Variants in PHKB observed in about 807,000 individuals in gnomAD.
PHKB encodes phosphorylase b kinase regulatory subunit beta.
In PHKB, 122 loss-of-function variants were observed where a neutral mutation model predicts 152.1. That is an observed-to-expected ratio of 0.80 (90% CI 0.69 to 0.93). The LOEUF is 0.93. PHKB is among the 40% of genes least tolerant of loss of function. The probability of loss-of-function intolerance (pLI) is 0.00; values close to 1 mark genes in which losing one functional copy is unlikely to be tolerated. For missense variants in PHKB, 1,304 were observed against 1,328.4 expected, an observed-to-expected ratio of 0.98 and a Z score of 0.29; for synonymous variants, 436 against 464.9, an observed-to-expected ratio of 0.94 and a Z score of 0.80.
chr16:47,624,864 A>G (rs577457175), intron 14 of PHKB, among the ~76,000 whole-genome samples: 2 of 152,338 alleles, frequency 1.3e-5, no homozygotes, highest in African/African-American at 4.8e-5. Context: ...CAAAAACCAC[A>G]TGCAACAAGT....
At chr16:47,626,673 C>T (rs144075394) in intron 14 of PHKB, among the ~76,000 whole-genome samples, 85 of 152,300 alleles carry the variant, frequency 5.6e-4, no homozygotes, top group East Asian at 2.5e-3. Flanking sequence ...GGGACTGCCA[C>T]TAACTTGTAA....
chr16:47,598,880 C>G, intron 13 of PHKB: 1 of 1,604,318 alleles, frequency 6.2e-7, no homozygotes, highest in Non-Finnish European at 8.5e-7. Flanking sequence ...CTATATGCTG[C>G]ATTTTTAGGG....
At chr16:47,494,223 C>G (rs766222623) in intron 1 of PHKB, among the ~76,000 whole-genome samples, 2 of 152,036 alleles carry the variant, frequency 1.3e-5, no homozygotes, top group Non-Finnish European at 2.9e-5. Context: ...AACTAGATTC[C>G]GAAAATGTGA....
At chr16:47,462,142 T>C (rs971612209) in intron 1 of PHKB, 1 of 152,218 alleles carries the variant, frequency 6.6e-6, no homozygotes, top group East Asian at 1.9e-4. Flanking sequence ...GTGGCGTTAT[T>C]AAAACTTCCT....
At chr16:47,585,735 G>C (rs1466348221) in intron 8 of PHKB, among the ~76,000 whole-genome samples, 1 of 152,146 alleles carries the variant, frequency 6.6e-6, no homozygotes, top group Non-Finnish European at 1.5e-5. Context: ...GAAAAATTGA[G>C]AGCTGAATAA....
chr16:47,473,218 A>ATTTTTTTC (rs1969807742), intron 1 of PHKB, among the ~76,000 whole-genome samples: 3 of 48,768 alleles, frequency 6.2e-5, no homozygotes, highest in African/African-American at 1.6e-4. Context: ...TGCCTGGCTA[A>ATTTTTTTC]TTTTTTTTTT....
intron 14 of PHKB, among the ~76,000 whole-genome samples, chr16:47,634,308 A>G (rs1167361310): frequency 2.0e-5 from 3 of 152,196 alleles, no homozygotes; most frequent in Non-Finnish European, 4.4e-5. Context: ...CTTTTGTGGT[A>G]GGCACTGTAA....
chr16:47,519,389 G>A (rs1283762680), intron 6 of PHKB, among the ~76,000 whole-genome samples: 2 of 152,182 alleles, frequency 1.3e-5, no homozygotes, highest in Non-Finnish European at 2.9e-5. Flanking sequence ...AGCTAAGTTG[G>A]GTGGTGCTGG....
chr16:47,647,995 C>G (rs1973164984), intron 16 of PHKB, among the ~76,000 whole-genome samples: 1 of 151,820 alleles, frequency 6.6e-6, no homozygotes, highest in Non-Finnish European at 1.5e-5. Context: ...CTATATATAC[C>G]CCTTTCAGCG....
intron 26 of PHKB, among the ~76,000 whole-genome samples, chr16:47,686,346 C>T (rs1045070853): frequency 6.6e-6 from 1 of 152,142 alleles, no homozygotes; most frequent in African/African-American, 2.4e-5. Context: ...AAGATACCTC[C>T]TGAAGTTAAT....
At chr16:47,596,700 G>A (rs773339017) in intron 13 of PHKB, among the ~76,000 whole-genome samples, 169 bp downstream of exon 13, 4 of 152,080 alleles carry the variant, frequency 2.6e-5, no homozygotes, top group Non-Finnish European at 5.9e-5. Flanking sequence ...CTATTTCACT[G>A]AATGATGATG....
Position 47,660,732 on chromosome 16 carries a change from T to TA in PHKB, c.2110dup (p.Ser704LysfsTer4). On this transcript the variant is annotated frameshift_variant, in exon 22 of 31. Transcript: ENST00000323584. LOFTEE classifies it high-confidence loss of function. Reference sequence around the variant, plus strand: ...AAGTCAAACGGCAAAGCAGCACCCCTAGTGCTCCTGAACTGGGACAGCAGC... The same window carrying TA: ...AAGTCAAACGGCAAAGCAGCACCCCTAAGTGCTCCTGAACTGGGACAGCAGC... The TA allele has an allele frequency of 6.2e-7, 1 of 1,613,498 alleles. No individual in the cohort carries two copies. The highest frequency in any genetic ancestry group is 8.5e-7 in the Non-Finnish European group (1 of 1,179,420).
At chr16:47,541,587 G>A (rs2151668499) in intron 6 of PHKB, among the ~76,000 whole-genome samples, 1 of 152,306 alleles carries the variant, frequency 6.6e-6, no homozygotes, top group African/African-American at 2.4e-5. Flanking sequence ...CTTCCACAAT[G>A]GTTGAACTAG....
intron 1 of PHKB, among the ~76,000 whole-genome samples, chr16:47,485,514 G>A (rs1057500067): frequency 6.6e-6 from 1 of 152,198 alleles, no homozygotes; most frequent in Admixed American, 6.5e-5. Context: ...AGATAGGGTA[G>A]TCTGTGAGAA....
At chr16:47,504,581 C>T (rs751908979) in intron 4 of PHKB, among the ~76,000 whole-genome samples, 1 of 152,224 alleles carries the variant, frequency 6.6e-6, no homozygotes, top group Non-Finnish European at 1.5e-5. Context: ...TAACTCTTTT[C>T]AGGACAATCT....
intron 14 of PHKB, among the ~76,000 whole-genome samples, chr16:47,631,058 G>A (rs925104945): frequency 6.6e-6 from 1 of 152,090 alleles, no homozygotes; most frequent in African/African-American, 2.4e-5. Flanking sequence ...CAGCTTGCCA[G>A]CTCACCTGCA....
intron 6 of PHKB, among the ~76,000 whole-genome samples, chr16:47,518,838 A>AG (rs1015841018): frequency 6.6e-6 from 1 of 152,102 alleles, no homozygotes; most frequent in African/African-American, 2.4e-5. Context: ...CATCTGTTGG[A>AG]GGGGGGCAAA....
chr16:47,678,695 A>G (rs1372910285), intron 26 of PHKB, among the ~76,000 whole-genome samples: 120 of 151,966 alleles, frequency 7.9e-4, no homozygotes, highest in African/African-American at 2.6e-3. Context: ...AGTAGGTTGC[A>G]AAAATTTTCT....
intron 7 of PHKB, chr16:47,566,914 A>T (rs1971579327): frequency 1.7e-6 from 1 of 603,510 alleles, no homozygotes; most frequent in Non-Finnish European, 3.0e-6. Context: ...AATGGGTCAC[A>T]CTGGAAACTG....
Sources: allele counts gnomAD v4.1 joint callset (sites outside exome capture counted in the v4.1 genomes callset), GRCh38; gene constraint gnomAD v4.1.1; transcripts MANE v1.5; gene names NCBI Gene and HGNC (gene_info 2026-07-23, HGNC 2026-07-21).